SPTBN2: variants seen among roughly 807,000 people sequenced by gnomAD.
The protein encoded by SPTBN2 is spectrin beta, non-erythrocytic 2.
SPTBN2 carries 107 observed loss-of-function variants against 284.2 expected under a neutral mutation model. The observed-to-expected ratio is 0.38, with a 90% CI of 0.32 to 0.44. SPTBN2 has a LOEUF of 0.44. Ranked by LOEUF, SPTBN2 falls within the 20% of genes least tolerant of loss-of-function variation. The pLI is 1.00. For missense variants in SPTBN2, 2,569 were observed against 3,287.1 expected, an observed-to-expected ratio of 0.78 and a Z score of 5.34; for synonymous variants, 1,289 against 1,354.8, an observed-to-expected ratio of 0.95 and a Z score of 1.07.
intron 1 of SPTBN2, among the ~76,000 whole-genome samples, chr11:66,743,754 G>C (rs1383819222): frequency 1.3e-5 from 2 of 152,208 alleles, no homozygotes; most frequent in Non-Finnish European, 2.9e-5. Context: ...AAAGGGGCCT[G>C]GATAGGGAGG....
chr11:66,707,693 G>C lies in SPTBN2; in HGVS notation c.1476C>G (p.Ala492=), dbSNP rs752211885. ...GCTTGATGTCGTGGTAGCGCTCGGC[G>C]GCCAGCTCTGCAGCCACGGCGTCCA... ...QAVDAVAAEL[A]AERYHDIKRI... Residue 492 remains alanine, a synonymous_variant, in exon 13 of 38, where the codon GCC becomes GCG. Transcript: ENST00000533211. The surrounding 1 kb of genome is among the most constrained non-coding windows in gnomAD (Gnocchi z 4.9). The C allele has an allele frequency of 6.2e-6, 10 of 1,605,222 alleles. No homozygotes were observed. The highest frequency in any genetic ancestry group is 8.5e-6 in the Non-Finnish European group (10 of 1,179,258).
intron 18 of SPTBN2, 75 bp downstream of exon 18, chr11:66,699,331 C>T (rs1484972940): frequency 5.1e-6 from 8 of 1,569,822 alleles, no homozygotes; most frequent in Middle Eastern, 4.2e-4. Flanking sequence ...TCCTGTGCCA[C>T]GTTTATCTTT....
At chr11:66,698,517 A>G in intron 20 of SPTBN2, 122 bp downstream of exon 20, 14 of 1,453,076 alleles carry the variant, frequency 9.6e-6, no homozygotes, top group South Asian at 4.7e-5. Context: ...ACTTTCCACC[A>G]TGGAGCTGTG....
At chr11:66,690,363 T>C (rs932841668) in intron 27 of SPTBN2, 80 bp from the exon 28 acceptor site, 1 of 1,463,496 alleles carries the variant, frequency 6.8e-7, no homozygotes, top group South Asian at 1.4e-5. Context: ...GCTGCCACTC[T>C]CACCTCCTGC....
In SPTBN2 at chr11:66,705,866, C is replaced by T. The variant is rs765568738; in HGVS notation, c.1654-29G>A. 5.6e-6 allele frequency: 9 copies of T among 1,610,132 alleles called. No homozygotes were observed. In the South Asian group the frequency reaches 6.6e-5, roughly 12 times the overall value. On this transcript the variant is annotated intron_variant, in intron 13 of 37. Coordinates refer to ENST00000533211, the MANE Select transcript of SPTBN2 (RefSeq NM_006946.4). ...CCAGGCACACATGAAGTGCACATGC[C>T]CGCCTGAGCACAGACGCGCTAACCT...
chr11:66,688,855 A>C lies in SPTBN2; in HGVS notation c.6035-6T>G. The C allele has an allele frequency of 6.2e-7, 1 of 1,605,934 alleles. No homozygotes were observed. Among genetic ancestry groups the C allele is most frequent in the East Asian group, 2.3e-5 (1 of 44,274 alleles). On this transcript the variant is annotated splice_region_variant and splice_polypyrimidine_tract_variant and intron_variant, in intron 30 of 37. Transcript: ENST00000533211. ...AAACACAAGCACCTCCAAAACTGGC[A>C]GGATCGGGGGTTGCAGGAAGATGGT...
In SPTBN2 at chr11:66,682,593, G is replaced by A. The variant is rs545677669; in HGVS notation, c.*3278C>T. Among the ~76,000 whole-genome samples, 1 of 152,190 alleles carries A rather than the reference G, an allele frequency of 6.6e-6. No individual in the cohort carries two copies. Among genetic ancestry groups the A allele is most frequent in the African/African-American group, 2.4e-5 (1 of 41,524 alleles). On this transcript the variant is annotated 3_prime_UTR_variant, in exon 38 of 38. Transcript: ENST00000533211. ...TATAAAAATTAAGGTATTTAAAGTT[G>A]TTGTCCTCTTCCATGCTTCATACCT...
Position 66,688,015 on chromosome 11 carries a change from C to T in SPTBN2, c.6439G>A (p.Glu2147Lys). 1 of 1,614,230 alleles carries T rather than the reference C, an allele frequency of 6.2e-7. No individual in the cohort carries two copies. The highest frequency in any genetic ancestry group is 8.5e-7 in the Non-Finnish European group (1 of 1,180,044). ...PSVNGVCTDG[E>K]PSQPLLGQQR... Reference sequence around the variant, plus strand: ...GACAGTGGGGTCACCTGTGAGGGCTCTCCATCTGTGCAGACTCCATTAACA... The same window carrying T: ...GACAGTGGGGTCACCTGTGAGGGCTTTCCATCTGTGCAGACTCCATTAACA... Residue 2147 changes from glutamate (E) to lysine (K), a missense_variant, in exon 33 of 38, where the codon GAG (glutamate) becomes AAG (lysine). Physicochemically the swap from Glu to Lys is moderately conservative, Grantham distance 56 (BLOSUM62 1). Coordinates refer to ENST00000533211, the MANE Select transcript of SPTBN2 (RefSeq NM_006946.4).
intron 13 of SPTBN2, among the ~76,000 whole-genome samples, chr11:66,706,711 C>T (rs1174823441): frequency 6.6e-6 from 1 of 151,396 alleles, no homozygotes; most frequent in East Asian, 1.9e-4. Flanking sequence ...CTCACTGCAA[C>T]CTCCGCCTCC....
intron 16 of SPTBN2, 56 bp downstream of exon 16, chr11:66,701,528 C>T (rs1590938706): frequency 1.9e-6 from 3 of 1,613,828 alleles, no homozygotes; most frequent in Admixed American, 1.7e-5. Context: ...CTCTCACTGC[C>T]ATCCCCATTG....
intron 1 of SPTBN2, chr11:66,744,517 G>A (rs1942941192): frequency 1.6e-5 from 3 of 190,550 alleles, no homozygotes; most frequent in Non-Finnish European, 2.1e-5. Context: ...GGGAGGAGTC[G>A]TGGCCTGGCC....
In SPTBN2 at chr11:66,687,685, G is replaced by A. The variant is rs780504018; in HGVS notation, c.6502-38C>T. ...CAGTGTCAGTGTCAAAGGTTGAGAC[G>A]GGAGATCCCTAACCTGGGTGCCAGG... On this transcript the variant is annotated intron_variant, in intron 34 of 37. Transcript: ENST00000533211. This position sits in a 1 kb window ranked among gnomAD's most constrained non-coding sequence, Gnocchi z 5.2. 17 of 1,572,638 alleles carry A rather than the reference G, an allele frequency of 1.1e-5. No homozygotes were observed. Among genetic ancestry groups the A allele is most frequent in the Middle Eastern group, 2.1e-4 (1 of 4,690 alleles).
intron 1 of SPTBN2, 48 bp from the exon 2 acceptor site, chr11:66,721,488 A>G (rs1942400641): frequency 8.8e-6 from 5 of 567,918 alleles, no homozygotes; most frequent in South Asian, 5.7e-5. Flanking sequence ...GCAGGAAGGC[A>G]GCAGCAGCTC....
intron 1 of SPTBN2, among the ~76,000 whole-genome samples, chr11:66,743,144 T>G (rs1591000318): frequency 1.7e-4 from 23 of 132,992 alleles, no homozygotes; most frequent in African/African-American, 2.6e-4. Context: ...CTGCGGGGGG[T>G]GTGGGGGGAA....
At chr11:66,695,192 AGG>A in intron 21 of SPTBN2, among the ~76,000 whole-genome samples, 1 of 152,350 alleles carries the variant, frequency 6.6e-6, no homozygotes, top group East Asian at 1.9e-4. Context: ...TCTTCAGAGC[AGG>A]GACCAGCAAG....
chr11:66,684,037 G>T lies in SPTBN2; in HGVS notation c.*1834C>A, dbSNP rs78094475. On this transcript the variant is annotated 3_prime_UTR_variant, in exon 38 of 38. Transcript: ENST00000533211. Reference sequence around the variant, plus strand: ...TATCCTGCAGGCTCTCTGGTCTACCGGTTTGGAGCCCACTCTGGGGCTGTG... The same window carrying T: ...TATCCTGCAGGCTCTCTGGTCTACCTGTTTGGAGCCCACTCTGGGGCTGTG... 3.9e-5 allele frequency among the ~76,000 whole-genome samples: 6 copies of T among 152,152 alleles called. No individual in the cohort carries two copies. Among genetic ancestry groups the T allele is most frequent in the African/African-American group, 1.2e-4 (5 of 41,424 alleles).
rs777036605 is a variant in SPTBN2 at position 66,714,456 on chromosome 11, G to C, written c.484-49C>G. 17 of 1,486,754 alleles carry C rather than the reference G, an allele frequency of 1.1e-5. No homozygotes were observed. In the South Asian group the frequency reaches 1.9e-4, roughly 17 times the overall value. The allele number at this position is 1,486,754 out of a possible 1,614,324, so 92.1% of individuals were successfully genotyped here. A position where few individuals can be genotyped will look rare whatever the true frequency, so the allele number is the denominator to read the frequency against. On this transcript the variant is annotated intron_variant, in intron 5 of 37. Coordinates refer to ENST00000533211, the MANE Select transcript of SPTBN2 (RefSeq NM_006946.4). ...CTCAGTCCCTGGACAGGAACTCCTGGTGTTATCAGAGATGCTCAGATAAAT... is the reference window on the plus strand; with the variant it reads ...CTCAGTCCCTGGACAGGAACTCCTGCTGTTATCAGAGATGCTCAGATAAAT...
intron 31 of SPTBN2, 56 bp downstream of exon 31, chr11:66,688,597 C>T (rs1940314981): frequency 1.2e-6 from 2 of 1,606,252 alleles, no homozygotes; most frequent in Non-Finnish European, 8.5e-7. Context: ...AAGCAGAAGC[C>T]AGCACAGGTC....
At chr11:66,731,663 G>T (rs1219829375), upstream of SPTBN2, among the ~76,000 whole-genome samples, 1 of 152,128 alleles carries the variant, frequency 6.6e-6, no homozygotes, top group African/African-American at 2.4e-5. Context: ...GCATTTGCCA[G>T]CTTAAAAAAT....
Sources: allele counts gnomAD v4.1 joint callset (sites outside exome capture counted in the v4.1 genomes callset), GRCh38; gene constraint gnomAD v4.1.1; non-coding constraint Gnocchi (gnomAD v3.1); transcripts MANE v1.5; gene names NCBI Gene and HGNC (gene_info 2026-07-23, HGNC 2026-07-21).